MUSK: variants seen among roughly 807,000 people sequenced by gnomAD.
MUSK encodes the protein muscle, skeletal receptor tyrosine-protein kinase.
MUSK carries 55 observed loss-of-function variants against 88.7 expected under a neutral mutation model. The ratio of observed to expected loss-of-function variants is 0.62; its 90% CI spans 0.50 to 0.78. MUSK has a LOEUF of 0.78. Ranked by LOEUF, MUSK falls within the 30% of genes least tolerant of loss-of-function variation. MUSK has a pLI of 0.00. For synonymous variants in MUSK, 387 were observed against 391.9 expected (o/e 0.99, Z 0.15); for missense variants, 1,015 against 1,074.3 (o/e 0.94, Z 0.77).
intron 9 of MUSK, 126 bp from the exon 10 acceptor site, chr9:110,775,661 TA>T: frequency 1.2e-6 from 1 of 839,426 alleles, no homozygotes. Flanking sequence ...GTTTCTTTCA[TA>T]AACGCGCTTT....
intron 1 of MUSK, among the ~76,000 whole-genome samples, chr9:110,681,066 T>TTATATAATATATTAATATTATA (rs2076115692): frequency 1.5e-4 from 2 of 13,552 alleles, no homozygotes; most frequent in Non-Finnish European, 1.4e-4. Context: ...ATTATATATA[T>TTATATAATATATTAATATTATA]AATATTATAT....
intron 14 of MUSK, among the ~76,000 whole-genome samples, chr9:110,791,176 T>G (rs1012321150): frequency 1.4e-4 from 21 of 148,964 alleles, no homozygotes; most frequent in Non-Finnish European, 2.8e-4. Context: ...AGACGGGTGA[T>G]TTCTGCATTT....
At chr9:110,749,705 ACAG>A (rs955450392) in intron 7 of MUSK, among the ~76,000 whole-genome samples, 5 of 152,192 alleles carry the variant, frequency 3.3e-5, no homozygotes, top group African/African-American at 1.2e-4. Context: ...GAAGGTCTGA[ACAG>A]CAGCAGCAGC....
chr9:110,697,472 G>C lies in MUSK; in HGVS notation c.628+6G>C. ...GGTGAAGCTGGAAGTTGAGGGTAAG[G>C]AGCTGCATTTCTTCCCCTGACTGTG... On this transcript the variant is annotated splice_donor_region_variant and intron_variant, in intron 5 of 14. Coordinates refer to ENST00000374448, the MANE Select transcript of MUSK (RefSeq NM_005592.4). 6.2e-7 allele frequency: 1 copy of C among 1,607,926 alleles called. No homozygotes were observed. Among genetic ancestry groups the C allele is most frequent in the Non-Finnish European group, 8.5e-7 (1 of 1,176,622 alleles).
Position 110,804,081 on chromosome 9 carries a change from C to A in MUSK, c.*3093C>A, listed in dbSNP as rs1045552510. On this transcript the variant is annotated 3_prime_UTR_variant, in exon 15 of 15. Transcript: ENST00000374448. ...TTTTCATTTTACAGTATATTACGAA[C>A]CTGTTCCACGTCATTAAATATTCTT... Among the ~76,000 whole-genome samples the A allele has an allele frequency of 1.3e-5, 2 of 152,124 alleles. No individual in the cohort carries two copies. Among genetic ancestry groups the A allele is most frequent in the Admixed American group, 1.3e-4 (2 of 15,274 alleles).
chr9:110,777,668 T>C (rs1406991302), intron 11 of MUSK, among the ~76,000 whole-genome samples: 2 of 152,136 alleles, frequency 1.3e-5, no homozygotes, highest in Admixed American at 1.3e-4. Context: ...GATTGCTCAC[T>C]CATCCATTCA....
chr9:110,698,497 A>T (rs2076461242), intron 5 of MUSK, among the ~76,000 whole-genome samples: 1 of 152,122 alleles, frequency 6.6e-6, no homozygotes, highest in South Asian at 2.1e-4. Flanking sequence ...TTAGGCCAAA[A>T]TCTATCTTTT....
At chr9:110,777,742 A>G (rs781052004) in intron 11 of MUSK, among the ~76,000 whole-genome samples, 1 of 152,112 alleles carries the variant, frequency 6.6e-6, no homozygotes, top group African/African-American at 2.4e-5. Context: ...AGACAGGAAC[A>G]ATACACAAAA....
intron 3 of MUSK, among the ~76,000 whole-genome samples, chr9:110,692,753 T>C (rs79733908): frequency 0.034 from 5,117 of 152,236 alleles, 304 homozygotes; most frequent in African/African-American, 0.12. Context: ...ACAAACTCAC[T>C]TGTATGATAC....
intron 6 of MUSK, among the ~76,000 whole-genome samples, chr9:110,742,569 T>C (rs1047725691): frequency 7.9e-5 from 12 of 152,172 alleles, no homozygotes; most frequent in African/African-American, 2.9e-4. Context: ...TTTCTAGTAT[T>C]TTCAAAAGAT....
chr9:110,709,252 A>T (rs1175731873), intron 5 of MUSK, among the ~76,000 whole-genome samples: 1 of 152,194 alleles, frequency 6.6e-6, no homozygotes, highest in East Asian at 1.9e-4. Context: ...TGAGACTGTA[A>T]TTGTTATATT....
At chr9:110,755,937 T>TATATATATATACGTATATATATAC (rs1554750760) in intron 7 of MUSK, among the ~76,000 whole-genome samples, 1 of 88,372 alleles carries the variant, frequency 1.1e-5, no homozygotes, top group East Asian at 3.0e-4. Flanking sequence ...TATATACATA[T>TATATATATATACGTATATATATAC]ATATATATAT....
intron 6 of MUSK, among the ~76,000 whole-genome samples, chr9:110,738,217 T>A (rs2077053055): frequency 6.6e-6 from 1 of 152,184 alleles, no homozygotes; most frequent in South Asian, 2.1e-4. Context: ...ATCCTTTGAT[T>A]ATAATACCAT....
intron 5 of MUSK, among the ~76,000 whole-genome samples, chr9:110,719,305 A>C (rs2131798638): frequency 6.6e-6 from 1 of 152,252 alleles, no homozygotes; most frequent in South Asian, 2.1e-4. Flanking sequence ...AGAATGGATA[A>C]GAATTTCACC....
chr9:110,689,804 A>G (rs2076285253), intron 3 of MUSK, among the ~76,000 whole-genome samples: 1 of 95,406 alleles, frequency 1.0e-5, no homozygotes, highest in African/African-American at 4.5e-5. Context: ...AATATATAAT[A>G]TATAACTATA....
chr9:110,740,357 A>G (rs972882490), intron 6 of MUSK, among the ~76,000 whole-genome samples: 1 of 152,122 alleles, frequency 6.6e-6, no homozygotes, highest in Non-Finnish European at 1.5e-5. Context: ...TGGCTTGCAG[A>G]TGGCTTCACA....
intron 1 of MUSK, among the ~76,000 whole-genome samples, chr9:110,673,111 G>A (rs1221521026): frequency 6.6e-6 from 1 of 152,180 alleles, no homozygotes; most frequent in Non-Finnish European, 1.5e-5. Context: ...ATGTGATTGT[G>A]TCAGTGAAAA....
chr9:110,668,866 T>C lies in MUSK; in HGVS notation c.-39T>C, dbSNP rs1313214984. 2 of 1,537,888 alleles carry C rather than the reference T, an allele frequency of 1.3e-6. No homozygotes were observed. Among genetic ancestry groups the C allele is most frequent in the Non-Finnish European group, 1.8e-6 (2 of 1,110,950 alleles). ...CTGTGGAGCCATTTTCCTTGCGTTG[T>C]CCAGAAGGAACTTCGTCCTGCGTGA... is the stretch of plus-strand genomic sequence containing the variant. On this transcript the variant is annotated 5_prime_UTR_variant, in exon 1 of 15. Coordinates refer to ENST00000374448, the MANE Select transcript of MUSK (RefSeq NM_005592.4).
At chr9:110,734,959 GCCCTCAAAGAGCTTA>G (rs1035388883) in intron 6 of MUSK, among the ~76,000 whole-genome samples, 1 of 152,050 alleles carries the variant, frequency 6.6e-6, no homozygotes, top group African/African-American at 2.4e-5. Flanking sequence ...AAAGTTCTCT[GCCCTCAAAGAGCTTA>G]CCTTCTCATG....
Sources: allele counts gnomAD v4.1 joint callset (sites outside exome capture counted in the v4.1 genomes callset), GRCh38; gene constraint gnomAD v4.1.1; transcripts MANE v1.5; gene names NCBI Gene and HGNC (gene_info 2026-07-23, HGNC 2026-07-21).